FAM117B: variants seen among roughly 807,000 people sequenced by gnomAD.
FAM117B encodes the protein family with sequence similarity 117 member B.
FAM117B carries 22 observed loss-of-function variants against 52.8 expected under a neutral mutation model. That is an observed-to-expected ratio of 0.42 (90% CI 0.30 to 0.59). The LOEUF (loss-of-function observed/expected upper bound fraction) is 0.59. Among genes scored for constraint, FAM117B ranks in the 20% least tolerant of loss-of-function variants. The pLI is 0.22. For synonymous variants in FAM117B, 309 were observed against 324.1 expected (o/e 0.95, Z 0.50); for missense variants, 678 against 802.6 (o/e 0.84, Z 1.88).
chr2:202,694,547 A>T (rs1322329411), intron 1 of FAM117B, among the ~76,000 whole-genome samples: 2 of 152,064 alleles, frequency 1.3e-5, no homozygotes, highest in Non-Finnish European at 2.9e-5. Context: ...GTGAGGAAAC[A>T]TTAATAAGTA....
chr2:202,759,244 A>G lies in FAM117B; in HGVS notation c.1342A>G (p.Asn448Asp), dbSNP rs1205560235. ...VDPRDKENGNNSPLPKYATSP... is the reference protein window; with the variant it reads ...VDPRDKENGNDSPLPKYATSP... ...GTCATTTCTTGCAGAGAATGGGAAC[A>G]ATTCTCCTTTGCCCAAATATGCAAC... Residue 448 changes from asparagine (N) to aspartate (D), a missense_variant, in exon 7 of 8, where the codon AAT (asparagine) becomes GAT (aspartate). Asn to Asp is a conservative substitution (Grantham distance 23). This residue lies in a region of FAM117B where 583 missense variants were observed against 644.8 expected (regional missense o/e 0.90). Coordinates refer to ENST00000392238, the MANE Select transcript of FAM117B (RefSeq NM_173511.4). 1.9e-6 allele frequency: 3 copies of G among 1,614,110 alleles called. No homozygotes were observed. The highest frequency in any genetic ancestry group is 1.7e-5 in the Admixed American group (1 of 60,002).
intron 1 of FAM117B, among the ~76,000 whole-genome samples, chr2:202,657,927 A>G (rs1022153804): frequency 6.6e-6 from 1 of 152,146 alleles, no homozygotes; most frequent in Non-Finnish European, 1.5e-5. Flanking sequence ...GGGGATTACA[A>G]TATACATACC....
chr2:202,673,433 G>GTTTTTTTTTTTT lies in FAM117B; in HGVS notation c.602-22427_602-22416dup, dbSNP rs1158185300. 1.3e-3 allele frequency among the ~76,000 whole-genome samples: 48 copies of GTTTTTTTTTTTT among 37,538 alleles called. 8 individuals are homozygous for GTTTTTTTTTTTT. The highest frequency in any genetic ancestry group is 5.3e-3 in the African/African-American group (34 of 6,450). The allele number at this position is 37,538 out of a possible 152,430, so 24.6% of individuals were successfully genotyped here. On this transcript the variant is annotated intron_variant, in intron 1 of 7. Transcript: ENST00000392238. ...TAGCCTACCCTATTTTTCTTTTTCT[G>GTTTTTTTTTTTT]TTTTTTTTTTTTTTTTTTTTTTTTT...
intron 1 of FAM117B, among the ~76,000 whole-genome samples, chr2:202,664,436 T>G (rs1690173276): frequency 6.6e-6 from 1 of 152,226 alleles, no homozygotes; most frequent in Admixed American, 6.5e-5. Context: ...GTCTTAGAAT[T>G]GGCACAAGAC....
At chr2:202,685,429 C>T (rs1393686019) in intron 1 of FAM117B, among the ~76,000 whole-genome samples, 1 of 152,154 alleles carries the variant, frequency 6.6e-6, no homozygotes, top group Non-Finnish European at 1.5e-5. Flanking sequence ...TATAAGCCTG[C>T]AGTTAACATC....
rs577179728 is a variant in FAM117B, at chr2:202,641,378, C to T, written c.601+5590C>T. On this transcript the variant is annotated intron_variant, in intron 1 of 7. Transcript: ENST00000392238. ...AAATAGTAGAGAAAGAAGGGAGAGACGTAAGTTTTCAGAATGACTTTGAAT... is the reference window on the plus strand; with the variant it reads ...AAATAGTAGAGAAAGAAGGGAGAGATGTAAGTTTTCAGAATGACTTTGAAT... Among the ~76,000 whole-genome samples the T allele has an allele frequency of 5.3e-5, 8 of 152,166 alleles. No homozygotes were observed. The South Asian group carries it at 8.3e-4, about 16-fold the overall frequency.
At chr2:202,648,540 T>C (rs1689905115) in intron 1 of FAM117B, among the ~76,000 whole-genome samples, 1 of 102,152 alleles carries the variant, frequency 9.8e-6, no homozygotes, top group South Asian at 3.3e-4. Context: ...AAACAAAAAA[T>C]ACATATATAT....
chr2:202,700,874 T>C (rs1472990318), intron 2 of FAM117B, among the ~76,000 whole-genome samples: 1 of 152,102 alleles, frequency 6.6e-6, no homozygotes, highest in African/African-American at 2.4e-5. Flanking sequence ...CTTTTTTAAA[T>C]GTTTTTGTAG....
Position 202,640,342 on chromosome 2 carries a change from A to G in FAM117B, c.601+4554A>G, listed in dbSNP as rs1256999588. Among the ~76,000 whole-genome samples the G allele has an allele frequency of 4.4e-5, 5 of 114,854 alleles. No homozygotes were observed. The East Asian group carries it at 1.4e-3, about 31-fold the overall frequency. The allele number at this position is 114,854 out of a possible 152,430, so 75.3% of individuals were successfully genotyped here. A position where few individuals can be genotyped will look rare whatever the true frequency, so the allele number is the denominator to read the frequency against. On this transcript the variant is annotated intron_variant, in intron 1 of 7. Transcript: ENST00000392238. ...TATATATATATATATATATATATAT[A>G]TGGCAAGTCGTGTTCTTGCTAGTTT...
chr2:202,642,639 T>C (rs1398567674), intron 1 of FAM117B, among the ~76,000 whole-genome samples: 1 of 152,098 alleles, frequency 6.6e-6, no homozygotes, highest in Non-Finnish European at 1.5e-5. Flanking sequence ...TTCAGATAAT[T>C]TTCTAGATTG....
chr2:202,734,262 T>C (rs568206367), intron 4 of FAM117B, among the ~76,000 whole-genome samples: 36 of 152,190 alleles, frequency 2.4e-4, no homozygotes, highest in African/African-American at 8.7e-4. Context: ...GTGGTACCCG[T>C]TGTAGTCCCA....
At chr2:202,681,943 A>G (rs540595132) in intron 1 of FAM117B, among the ~76,000 whole-genome samples, 1 of 152,136 alleles carries the variant, frequency 6.6e-6, no homozygotes, top group Non-Finnish European at 1.5e-5. Flanking sequence ...TTCTGTGCCC[A>G]TAAAAACCCC....
At chr2:202,741,075 C>G (rs1185488628) in intron 4 of FAM117B, among the ~76,000 whole-genome samples, 1 of 152,062 alleles carries the variant, frequency 6.6e-6, no homozygotes, top group Non-Finnish European at 1.5e-5. Context: ...TTACATTGTA[C>G]TAGTGGTATT....
intron 7 of FAM117B, among the ~76,000 whole-genome samples, chr2:202,764,491 A>G (rs1461704038): frequency 6.6e-6 from 1 of 151,812 alleles, no homozygotes; most frequent in East Asian, 1.9e-4. Flanking sequence ...GCTGGTCTGG[A>G]ACTCCTGGGT....
chr2:202,691,698 T>TGTGCGC lies in FAM117B; in HGVS notation c.602-4182_602-4181insTGCGCG, dbSNP rs1476079292. Among the ~76,000 whole-genome samples the TGTGCGC allele has an allele frequency of 2.1e-3, 273 of 131,128 alleles. 1 individual carries two copies. The highest frequency in any genetic ancestry group is 5.0e-3 in the African/African-American group (160 of 32,288). The allele number at this position is 131,128 out of a possible 152,430, so 86.0% of individuals were successfully genotyped here. On this transcript the variant is annotated intron_variant, in intron 1 of 7. Transcript: ENST00000392238. ...GTGTGTGTGTGTGTGTGTGTGTGTGTGCGCGCGCGCCTCCCCACCCTGCCA... is the reference window on the plus strand; with the variant it reads ...GTGTGTGTGTGTGTGTGTGTGTGTGTGTGCGCGCGCGCGCGCCTCCCCACCCTGCCA...
intron 1 of FAM117B, among the ~76,000 whole-genome samples, chr2:202,640,086 A>G (rs1574536554): frequency 1.3e-5 from 2 of 151,756 alleles, no homozygotes; most frequent in Non-Finnish European, 2.9e-5. Flanking sequence ...CCTGCCCAAC[A>G]TGGCGAAACC....
At chr2:202,763,272 A>G (rs1255132096) in intron 7 of FAM117B, among the ~76,000 whole-genome samples, 1 of 151,788 alleles carries the variant, frequency 6.6e-6, no homozygotes, top group African/African-American at 2.4e-5. Context: ...CAGGGTTTCA[A>G]CGTGTTAGCC....
In FAM117B at chr2:202,727,229, G is replaced by A. The variant is rs564673812; in HGVS notation, c.960+866G>A. ...GTAAGGCAGCAGGGCCTGGAAGGTA[G>A]AGGGAAACTAGAAGACTTAGTTCTG... On this transcript the variant is annotated intron_variant, in intron 4 of 7. Coordinates refer to ENST00000392238, the MANE Select transcript of FAM117B (RefSeq NM_173511.4). 1.8e-4 allele frequency among the ~76,000 whole-genome samples: 27 copies of A among 152,300 alleles called. 1 individual carries two copies. The highest frequency in any genetic ancestry group is 6.5e-4 in the African/African-American group (27 of 41,578).
intron 2 of FAM117B, among the ~76,000 whole-genome samples, chr2:202,719,901 ATATATTCC>A (rs2105785308): frequency 6.6e-6 from 1 of 152,224 alleles, no homozygotes; most frequent in South Asian, 2.1e-4. Context: ...ACTTGGGTTT[ATATATTCC>A]TTTATGATAA....
Sources: gnomAD v4.1 joint callset for allele counts (sites outside exome capture counted in the v4.1 genomes callset) on GRCh38, gnomAD v4.1.1 for gene constraint, gnomAD v4.1.1 regional missense constraint, MANE v1.5 for transcripts, NCBI Gene and HGNC (gene_info 2026-07-23, HGNC 2026-07-21) for gene names.